The following MLXIPL variants were observed in gnomAD, a reference collection of about 807,000 sequenced individuals.
MLXIPL encodes MLX interacting protein like, also known as carbohydrate-responsive element-binding protein.
MLXIPL carries 49 observed loss-of-function variants against 81.5 expected under a neutral mutation model. That is an observed-to-expected ratio of 0.60 (90% CI 0.48 to 0.76). The LOEUF is 0.76. Ranked by LOEUF, MLXIPL falls within the 30% of genes least tolerant of loss-of-function variation. The pLI, the probability that MLXIPL is intolerant of heterozygous loss-of-function variation, is 0.00. For synonymous variants in MLXIPL, 466 were observed against 485.5 expected, an observed-to-expected ratio of 0.96 and a Z score of 0.53; for missense variants, 1,053 against 1,167.0, an observed-to-expected ratio of 0.90 and a Z score of 1.42.
chr7:73,607,052 C>T, intron 4 of MLXIPL, 34 bp from the exon 5 acceptor site: 2 of 1,609,260 alleles, frequency 1.2e-6, no homozygotes, highest in Non-Finnish European at 1.7e-6. Context: ...CACCGGATCC[C>T]TTGCCCCATC....
intron 5 of MLXIPL, 23 bp from the exon 6 acceptor site, chr7:73,606,134 A>T: frequency 6.4e-7 from 1 of 1,556,828 alleles, no homozygotes; most frequent in East Asian, 2.4e-5. Flanking sequence ...AGCCGTCAGC[A>T]GCCGCTAGAG....
chr7:73,642,459 C>T, the MLXIPL span, among the ~76,000 whole-genome samples: 2 of 152,264 alleles, frequency 1.3e-5, no homozygotes, highest in Admixed American at 6.6e-5. Flanking sequence ...TCAAGAGATT[C>T]TCCTGCCTCA....
At chr7:73,597,818 T>C in intron 8 of MLXIPL, 105 bp from the exon 9 acceptor site, 2 of 734,834 alleles carry the variant, frequency 2.7e-6, no homozygotes, top group Non-Finnish European at 3.9e-6. Flanking sequence ...AACTCTAGAC[T>C]GGGGCCCTGG....
chr7:73,635,594 TTCTA>T, the MLXIPL span, among the ~76,000 whole-genome samples: 36 of 151,826 alleles, frequency 2.4e-4, no homozygotes, highest in Non-Finnish European at 2.5e-4. Context: ...AGTCCATCTC[TTCTA>T]TCTATCCATC....
At chr7:73,599,157 C>T (rs1554595257) in intron 8 of MLXIPL, among the ~76,000 whole-genome samples, 1 of 151,682 alleles carries the variant, frequency 6.6e-6, no homozygotes, top group African/African-American at 2.4e-5. Context: ...GCTCAGCTTT[C>T]TGCCTCGAAG....
the MLXIPL span, among the ~76,000 whole-genome samples, chr7:73,631,946 CTCTTT>C: frequency 0.028 from 2,721 of 98,710 alleles, 37 homozygotes; most frequent in Non-Finnish European, 0.039. Flanking sequence ...CTCTTCTTTT[CTCTTT>C]TCTTTTCTTT....
intron 7 of MLXIPL, among the ~76,000 whole-genome samples, chr7:73,604,130 C>T (rs553599766): frequency 7.2e-6 from 1 of 138,506 alleles, no homozygotes; most frequent in Admixed American, 8.0e-5. Flanking sequence ...GCACAAGAAT[C>T]GCTTGAACCT....
chr7:73,609,957 G>A (rs149022174), intron 2 of MLXIPL: 2,749 of 152,696 alleles, frequency 0.018, 87 homozygotes, highest in African/African-American at 0.064. Context: ...GATTGCAGGC[G>A]TGAGCCACCG....
At position 73,607,004 on chromosome 7, in the gene MLXIPL, G is replaced by C. The variant is rs1554598376; in HGVS notation, c.588C>G (p.Ser196Arg). 1 of 1,613,758 alleles carries C rather than the reference G, an allele frequency of 6.2e-7. No homozygotes were observed. The highest frequency in any genetic ancestry group is 1.1e-5 in the South Asian group (1 of 90,950). ...TAGGGGCCAGGAGGTCATCTTCCCT[G>C]CTGGGCTTACGGAGCTGCAGGGACA... ...IYYKKRLRKP[S>R]REDDLLAPKQ... The change falls in exon 5 of 17, where the codon AGC becomes AGG. Residue 196 changes from serine to arginine, a missense_variant. Transcript: ENST00000313375.
At chr7:73,642,214 A>G in the MLXIPL span, among the ~76,000 whole-genome samples, 1 of 152,194 alleles carries the variant, frequency 6.6e-6, no homozygotes, top group Non-Finnish European at 1.5e-5. Context: ...TGCATGGGCT[A>G]GAGTATGGGG....
intron 5 of MLXIPL, 88 bp downstream of exon 5, chr7:73,606,886 C>T: frequency 4.9e-6 from 7 of 1,428,802 alleles, no homozygotes; most frequent in Middle Eastern, 1.9e-4. Flanking sequence ...ACTGTCTTGC[C>T]CACTGAGGCG....
At chr7:73,595,241 C>T (rs1794180084) in intron 15 of MLXIPL, among the ~76,000 whole-genome samples, 1 of 152,154 alleles carries the variant, frequency 6.6e-6, no homozygotes, top group Non-Finnish European at 1.5e-5. Flanking sequence ...GTGTGCTGAA[C>T]CATCCCCCAT....
At chr7:73,618,824 C>T (rs7802957) in intron 1 of MLXIPL, among the ~76,000 whole-genome samples, 17,670 of 152,166 alleles carry the variant, frequency 0.12, 1,370 homozygotes, top group African/African-American at 0.22. Context: ...CCAGCAACCT[C>T]CCAGCCCATT....
At chr7:73,606,394 G>T in intron 5 of MLXIPL, 14 of 492,538 alleles carry the variant, frequency 2.8e-5, no homozygotes, top group South Asian at 1.0e-4. Context: ...TGGTCCCTCT[G>T]GTTTTTTTTT....
rs1274447044 is a variant in MLXIPL at position 73,624,249 on chromosome 7, T to C, written c.244A>G (p.Ile82Val). The C allele has an allele frequency of 7.5e-6, 12 of 1,597,262 alleles. No homozygotes were observed. Among genetic ancestry groups the C allele is most frequent in the Non-Finnish European group, 1.0e-5 (12 of 1,173,372 alleles). ...AAGAGGCGTGTGAGTGTGGGGTCGA[T>C]ACTGCGCGGCCCGAAGTCGGAGGGC... ...VGPSDFGPRSIDPTLTRLFEC... is the reference protein window; with the variant it reads ...VGPSDFGPRSVDPTLTRLFEC... The change falls in exon 1 of 17, where the codon ATC becomes GTC. Residue 82 changes from isoleucine (I) to valine (V), a missense_variant. Ile to Val is a conservative substitution (Grantham distance 29). Around this residue, in one of 3 missense-constraint regions of MLXIPL, gnomAD observed 226 missense variants for 216.2 expected, o/e 1.05. Transcript: ENST00000313375.
At chr7:73,599,767 T>G in intron 7 of MLXIPL, 72 bp from the exon 8 acceptor site, 53 of 1,398,668 alleles carry the variant, frequency 3.8e-5, no homozygotes, top group Non-Finnish European at 4.7e-5. Context: ...GAGAGGAGAG[T>G]GGCCTGTCCC....
intron 9 of MLXIPL, 40 bp downstream of exon 9, chr7:73,597,142 T>TC: frequency 7.5e-7 from 1 of 1,338,384 alleles, no homozygotes; most frequent in Non-Finnish European, 1.1e-6. Flanking sequence ...CCCCCTGGCC[T>TC]CCCTCCCCAG....
chr7:73,602,562 C>T (rs1794968497), intron 7 of MLXIPL, among the ~76,000 whole-genome samples: 1 of 151,634 alleles, frequency 6.6e-6, no homozygotes, highest in African/African-American at 2.4e-5. Context: ...CGCCTGTAGT[C>T]CCAGCTATTC....
At chr7:73,615,964 T>C in intron 2 of MLXIPL, 107 bp downstream of exon 2, 1 of 838,752 alleles carries the variant, frequency 1.2e-6, no homozygotes, top group Non-Finnish European at 2.0e-6. Context: ...GTGCTGGCCT[T>C]GAGGACCCCG....
Sources: allele counts gnomAD v4.1 joint callset (sites outside exome capture counted in the v4.1 genomes callset), GRCh38; gene constraint gnomAD v4.1.1; regional missense constraint gnomAD v4.1.1; transcripts MANE v1.5; gene names NCBI Gene and HGNC (gene_info 2026-07-23, HGNC 2026-07-21).